CD8B2: variants seen among roughly 807,000 people sequenced by gnomAD.
CD8B2 encodes CD8B family member 2.
In CD8B2, 11 loss-of-function variants were observed where a neutral mutation model predicts 23.7. The observed-to-expected ratio is 0.46, with a 90% CI of 0.29 to 0.77. The LOEUF is 0.77. Among genes scored for constraint, CD8B2 ranks in the 30% least tolerant of loss-of-function variants. The pLI, the probability that CD8B2 is intolerant of heterozygous loss-of-function variation, is 0.09. For synonymous variants in CD8B2, 90 were observed against 109.3 expected (o/e 0.82, Z 1.10); for missense variants, 197 against 270.5 (o/e 0.73, Z 1.91).
chr2:106,521,026 GAGAGA>G (rs1679818352), intron 5 of CD8B2, among the ~76,000 whole-genome samples: 1 of 86,450 alleles, frequency 1.2e-5, no homozygotes, highest in African/African-American at 5.0e-5. Context: ...TTTTAAGGGA[GAGAGA>G]GAGAGAGAGA....
intron 2 of CD8B2, among the ~76,000 whole-genome samples, chr2:106,492,068 T>G (rs1166391837): frequency 6.6e-6 from 1 of 152,152 alleles, no homozygotes; most frequent in African/African-American, 2.4e-5. Flanking sequence ...ATGTTCTCTG[T>G]GAGGGCCTAC....
chr2:106,492,399 C>A (rs1471288454), intron 2 of CD8B2, among the ~76,000 whole-genome samples: 2 of 152,002 alleles, frequency 1.3e-5, no homozygotes, highest in African/African-American at 4.8e-5. Context: ...ATTTTCATCT[C>A]AACATGTAAT....
chr2:106,487,535 G>A (rs1295561672), intron 1 of CD8B2, 66 bp downstream of exon 1: 2 of 983,288 alleles, frequency 2.0e-6, no homozygotes, highest in South Asian at 4.9e-5. Context: ...GAGGTGATAC[G>A]TGGCTGTCCT....
intron 3 of CD8B2, among the ~76,000 whole-genome samples, chr2:106,501,394 A>G (rs1386064070): frequency 6.6e-6 from 1 of 152,142 alleles, no homozygotes; most frequent in African/African-American, 2.4e-5. Flanking sequence ...AACTATATGT[A>G]TTTAAGGCCA....
At chr2:106,524,301 T>C (rs1467446517) in intron 5 of CD8B2, among the ~76,000 whole-genome samples, 1 of 152,168 alleles carries the variant, frequency 6.6e-6, no homozygotes, top group Non-Finnish European at 1.5e-5. Context: ...ATGCTCTTGT[T>C]TCTGATGCCC....
intron 5 of CD8B2, among the ~76,000 whole-genome samples, chr2:106,536,209 T>C (rs1413626171): frequency 2.0e-5 from 3 of 152,078 alleles, no homozygotes; most frequent in Non-Finnish European, 1.5e-5. Context: ...TAATTTTGTA[T>C]TTTTAGTAGA....
intron 2 of CD8B2, among the ~76,000 whole-genome samples, chr2:106,493,781 G>C (rs1679242333): frequency 6.6e-6 from 1 of 152,192 alleles, no homozygotes; most frequent in African/African-American, 2.4e-5. Flanking sequence ...AAGGTCTTTT[G>C]CTGCAGATAC....
rs923560476 is a variant in CD8B2, at chr2:106,496,296, A to G, written c.493+34A>G. 134 of 1,453,016 alleles carry G rather than the reference A, an allele frequency of 9.2e-5. No homozygotes were observed. The Middle Eastern group carries it at 1.4e-3, about 15-fold the overall frequency. The allele number at this position is 1,453,016 out of a possible 1,614,324, so 90.0% of individuals were successfully genotyped here. On this transcript the variant is annotated intron_variant, in intron 3 of 5. Transcript: ENST00000643224. ...CCTATCCCTCTGCACCCTCAGAAAC[A>G]AGGCAGACATCCCCTTGCCCTCCCT... is the stretch of plus-strand genomic sequence containing the variant.
At chr2:106,488,155 C>G (rs1351360022) in intron 1 of CD8B2, among the ~76,000 whole-genome samples, 1 of 152,070 alleles carries the variant, frequency 6.6e-6, no homozygotes, top group South Asian at 2.1e-4. Context: ...GATTTGCTCT[C>G]GTGCCCAAAA....
chr2:106,540,478 G>C (rs1680154878), intron 5 of CD8B2, among the ~76,000 whole-genome samples: 1 of 152,174 alleles, frequency 6.6e-6, no homozygotes, highest in African/African-American at 2.4e-5. Context: ...TTGTTGTTCT[G>C]GGTGAGCCAA....
chr2:106,489,562 C>A (rs184929273), intron 1 of CD8B2, among the ~76,000 whole-genome samples: 144 of 152,300 alleles, frequency 9.5e-4, no homozygotes, highest in African/African-American at 3.4e-3. Context: ...TCTGCCCTGG[C>A]CTGCAATGTC....
chr2:106,504,360 T>A (rs1490684370), intron 5 of CD8B2, 35 bp downstream of exon 5: 5 of 1,554,500 alleles, frequency 3.2e-6, no homozygotes, highest in African/African-American at 1.4e-5. Context: ...CTTGGGTTCC[T>A]CAGCCCCTGC....
intron 5 of CD8B2, among the ~76,000 whole-genome samples, chr2:106,540,625 C>T (rs543634199): frequency 1.7e-3 from 256 of 151,884 alleles, no homozygotes; most frequent in Non-Finnish European, 3.0e-3. Flanking sequence ...AGTGCAGTGA[C>T]GCAATCTCAG....
At chr2:106,517,077 A>T (rs1679740894) in intron 5 of CD8B2, among the ~76,000 whole-genome samples, 1 of 150,448 alleles carries the variant, frequency 6.6e-6, no homozygotes. Flanking sequence ...TTCATTAATA[A>T]TATTTATTAA....
intron 5 of CD8B2, among the ~76,000 whole-genome samples, chr2:106,538,871 G>A (rs1182409658): frequency 6.6e-6 from 1 of 152,038 alleles, no homozygotes; most frequent in Non-Finnish European, 1.5e-5. Flanking sequence ...GCCGGGCACT[G>A]CCATCTGAAA....
chr2:106,513,580 A>T (rs1335150330), downstream of CD8B2, among the ~76,000 whole-genome samples: 2 of 149,588 alleles, frequency 1.3e-5, no homozygotes, highest in Non-Finnish European at 3.0e-5. Context: ...GTGTTGGTGG[A>T]GGGGTGGAGG....
downstream of CD8B2, among the ~76,000 whole-genome samples, chr2:106,511,250 C>G (rs1292254176): frequency 6.6e-6 from 1 of 152,140 alleles, no homozygotes; most frequent in Non-Finnish European, 1.5e-5. Context: ...AGACTTTGGG[C>G]GAGCTACATT....
At position 106,505,738 on chromosome 2, in the gene CD8B2, A is replaced by G. The variant is rs918599862; in HGVS notation, c.621-1190A>G. Among the ~76,000 whole-genome samples the G allele has an allele frequency of 3.9e-5, 6 of 152,200 alleles. No individual in the cohort carries two copies. In the East Asian group the frequency reaches 1.2e-3, roughly 29 times the overall value. ...ATGGGCAATTTTCAATGATATTTTA[A>G]TTGTGTACAATTTTCACCTTGTGTG... On this transcript the variant is annotated intron_variant, in intron 5 of 5. Transcript: ENST00000643224.
chr2:106,534,708 C>T (rs1035579451), intron 5 of CD8B2, among the ~76,000 whole-genome samples: 16 of 152,122 alleles, frequency 1.1e-4, no homozygotes, highest in African/African-American at 3.6e-4. Context: ...GGCTGATTGT[C>T]GCAGGGGTCT....
Sources: gnomAD v4.1 joint callset for allele counts (sites outside exome capture counted in the v4.1 genomes callset) on GRCh38, gnomAD v4.1.1 for gene constraint, MANE v1.5 for transcripts, NCBI Gene and HGNC (gene_info 2026-07-23, HGNC 2026-07-21) for gene names.